The following RGS7BP variants were observed in gnomAD, a reference collection of about 807,000 sequenced individuals.
The protein encoded by RGS7BP is regulator of G protein signaling 7-binding protein.
Under a neutral mutation model 31.3 loss-of-function variants are expected in RGS7BP, and 9 were observed. The observed-to-expected ratio is 0.29, with a 90% CI of 0.17 to 0.50. RGS7BP has a LOEUF of 0.50. RGS7BP is among the 20% of genes least tolerant of loss of function. RGS7BP has a pLI of 0.98. For missense variants in RGS7BP, 274 were observed against 322.0 expected (o/e 0.85, Z 1.14); for synonymous variants, 115 against 120.1 (o/e 0.96, Z 0.28).
At chr5:64,565,648 A>C (rs7701529) in intron 2 of RGS7BP, among the ~76,000 whole-genome samples, 1 of 151,846 alleles carries the variant, frequency 6.6e-6, no homozygotes, top group South Asian at 2.1e-4. Context: ...CACTGCTTTT[A>C]AAGCCACCTT....
chr5:64,518,307 G>C (rs1240149617), intron 2 of RGS7BP, among the ~76,000 whole-genome samples: 1 of 150,250 alleles, frequency 6.7e-6, no homozygotes, highest in East Asian at 2.0e-4. Context: ...AGGTGCGGTA[G>C]ATACAACAGC....
chr5:64,529,723 T>C (rs535585091), intron 2 of RGS7BP, among the ~76,000 whole-genome samples: 4 of 152,328 alleles, frequency 2.6e-5, no homozygotes, highest in Admixed American at 1.3e-4. Flanking sequence ...TGAACAAGTA[T>C]AGCCTCCAAG....
intron 3 of RGS7BP, among the ~76,000 whole-genome samples, chr5:64,582,724 T>G: frequency 6.6e-6 from 1 of 152,170 alleles, no homozygotes; most frequent in South Asian, 2.1e-4. Context: ...GAGCTCAAGA[T>G]GCACTAATGA....
chr5:64,536,719 G>C (rs1207466966), intron 2 of RGS7BP, among the ~76,000 whole-genome samples: 1 of 152,138 alleles, frequency 6.6e-6, no homozygotes, highest in Admixed American at 6.5e-5. Flanking sequence ...GCTACTTCTA[G>C]TACCAGATAT....
At chr5:64,556,386 G>GTAA (rs1741923468) in intron 2 of RGS7BP, among the ~76,000 whole-genome samples, 1 of 61,180 alleles carries the variant, frequency 1.6e-5, no homozygotes, top group Admixed American at 2.1e-4. Flanking sequence ...ATCGTGATAA[G>GTAA]TAAAAAAAAA....
intron 1 of RGS7BP, 107 bp from the exon 2 acceptor site, chr5:64,507,604 G>A: frequency 1.0e-6 from 1 of 956,644 alleles, no homozygotes; most frequent in Non-Finnish European, 1.5e-6. Flanking sequence ...GGAGATCTGG[G>A]GAGCTGACTC....
chr5:64,595,342 A>C (rs1044709305), intron 4 of RGS7BP, among the ~76,000 whole-genome samples: 3 of 152,158 alleles, frequency 2.0e-5, no homozygotes, highest in African/African-American at 7.2e-5. Context: ...GGGGCTGAGC[A>C]TTCTGTCCAG....
At position 64,549,316 on chromosome 5, in the gene RGS7BP, T is replaced by C. The variant is rs146336202; in HGVS notation, c.333-26458T>C. Among the ~76,000 whole-genome samples, 954 of 152,340 alleles carry C rather than the reference T, an allele frequency of 6.3e-3. 9 individuals carry two copies. The highest frequency in any genetic ancestry group is 0.019 in the African/African-American group (803 of 41,580). On this transcript the variant is annotated intron_variant, in intron 2 of 5. Transcript: ENST00000334025. ...GACAGGTCCCAATCAAGTCCAAAGT[T>C]TAGCAAAACAAATTCCATTAGATGT...
At chr5:64,527,177 T>C (rs1749251770) in intron 2 of RGS7BP, among the ~76,000 whole-genome samples, 1 of 152,208 alleles carries the variant, frequency 6.6e-6, no homozygotes, top group South Asian at 2.1e-4. Flanking sequence ...CAGAAGCTAA[T>C]GCTGAGAGGG....
At position 64,575,912 on chromosome 5, in the gene RGS7BP, C is replaced by A. The variant is rs768124274; in HGVS notation, c.463+8C>A. On this transcript the variant is annotated splice_region_variant and intron_variant, in intron 3 of 5. Coordinates refer to ENST00000334025, the MANE Select transcript of RGS7BP (RefSeq NM_001029875.3). ...TTCAGTTTCATCGAAAAGGTATCTA[C>A]ATTTAATATTGCCGGAAACACTGAG... 1 of 1,605,272 alleles carries A rather than the reference C, an allele frequency of 6.2e-7. No homozygotes were observed.
At chr5:64,515,711 T>TACACACAC (rs140297030) in intron 2 of RGS7BP, among the ~76,000 whole-genome samples, 2,297 of 148,694 alleles carry the variant, frequency 0.015, 22 homozygotes, top group South Asian at 0.02. Context: ...CCTATATGCA[T>TACACACAC]ACACACACAC....
rs1269003441 is a variant in RGS7BP at position 64,599,285 on chromosome 5, A to G, written c.682+850A>G. ...ACAGGTGAAGTACCAACTTCAGAGG[A>G]TGGTACATAGAGGTGGAGAAAGGCT... On this transcript the variant is annotated intron_variant, in intron 5 of 5. Coordinates refer to ENST00000334025, the MANE Select transcript of RGS7BP (RefSeq NM_001029875.3). 2.0e-5 allele frequency among the ~76,000 whole-genome samples: 3 copies of G among 152,208 alleles called. No individual in the cohort carries two copies. The East Asian group carries it at 5.8e-4, about 29-fold the overall frequency.
chr5:64,569,065 C>T (rs113590079), intron 2 of RGS7BP, among the ~76,000 whole-genome samples: 2,293 of 152,202 alleles, frequency 0.015, 58 homozygotes, highest in African/African-American at 0.048. Flanking sequence ...AAGAAAATTC[C>T]ATTGCACTTC....
chr5:64,508,217 A>T (rs1748746161), intron 2 of RGS7BP, among the ~76,000 whole-genome samples: 1 of 152,198 alleles, frequency 6.6e-6, no homozygotes. Context: ...CCTCAAAATT[A>T]TTTTGTCATC....
chr5:64,599,520 G>A (rs1743165692), intron 5 of RGS7BP, among the ~76,000 whole-genome samples: 1 of 152,132 alleles, frequency 6.6e-6, no homozygotes, highest in African/African-American at 2.4e-5. Context: ...GAGTAGTGTG[G>A]CCTGAGCTAC....
chr5:64,580,646 G>T (rs1742565879), intron 3 of RGS7BP, among the ~76,000 whole-genome samples: 1 of 151,584 alleles, frequency 6.6e-6, no homozygotes, highest in Non-Finnish European at 1.5e-5. Flanking sequence ...TAGCAAAAAT[G>T]ACCATTTACC....
In RGS7BP at chr5:64,594,759, G is replaced by C. The variant is rs570310261; in HGVS notation, c.513G>C (p.Glu171Asp). Residue 171 changes from glutamate (E) to aspartate (D), a missense_variant, in exon 4 of 6, where the codon GAG becomes GAC. Coordinates refer to ENST00000334025, the MANE Select transcript of RGS7BP (RefSeq NM_001029875.3). ...GTKSLDCKIEESAETPALEDS... is the reference protein window; with the variant it reads ...GTKSLDCKIEDSAETPALEDS... ...AGAGTTTGGATTGCAAAATTGAGGA[G>C]AGTGCTGAAACACCTGCCCTAGAAG... 87 of 1,613,790 alleles carry C rather than the reference G, an allele frequency of 5.4e-5. No individual in the cohort carries two copies. Among genetic ancestry groups the C allele is most frequent in the Admixed American group, 1.2e-4 (7 of 59,966 alleles).
chr5:64,591,320 C>G (rs1742908671), intron 3 of RGS7BP, among the ~76,000 whole-genome samples: 1 of 151,840 alleles, frequency 6.6e-6, no homozygotes, highest in Non-Finnish European at 1.5e-5. Flanking sequence ...ACCTATACCC[C>G]TGAACTTAAA....
At chr5:64,579,833 T>C (rs1046087073) in intron 3 of RGS7BP, among the ~76,000 whole-genome samples, 1 of 152,180 alleles carries the variant, frequency 6.6e-6, no homozygotes, top group African/African-American at 2.4e-5. Context: ...ATTCTCACCA[T>C]TAATTTCTTT....
Sources: allele counts gnomAD v4.1 joint callset (sites outside exome capture counted in the v4.1 genomes callset), GRCh38; gene constraint gnomAD v4.1.1; transcripts MANE v1.5; gene names NCBI Gene and HGNC (gene_info 2026-07-23, HGNC 2026-07-21).